The following STARD8 variants were observed in gnomAD, a reference collection of about 807,000 sequenced individuals.
STARD8 encodes the protein stAR-related lipid transfer protein 8.
STARD8 carries 25 observed loss-of-function variants against 69.4 expected under a neutral mutation model. The observed-to-expected ratio is 0.36, with a 90% confidence interval of 0.26 to 0.50. The LOEUF (loss-of-function observed/expected upper bound fraction) is 0.50, where lower values mean the gene tolerates loss of function less well. STARD8 is among the 20% of genes least tolerant of loss of function. The pLI, the probability that STARD8 is intolerant of heterozygous loss-of-function variation, is 0.96. For synonymous variants in STARD8, 389 were observed against 374.6 expected (o/e 1.04, Z -0.45); for missense variants, 921 against 932.5 (o/e 0.99, Z 0.16).
chrX:68,693,809 G>T (rs2079896795), intron 2 of STARD8: 1 of 753,998 alleles, frequency 1.3e-6, no homozygotes, highest in African/African-American at 2.3e-5. Context: ...AACCCAAAGG[G>T]GTGGACGCGG....
Position 68,721,179 on chromosome X carries a change from C to T in STARD8, c.2248+57C>T, listed in dbSNP as rs113167112. On this transcript the variant is annotated intron_variant, in intron 9 of 14. Coordinates refer to ENST00000374599, the MANE Select transcript of STARD8 (RefSeq NM_001142503.3). Reference sequence around the variant, plus strand: ...GTCCCATTCTCAACCTCCCTGAATCCCAGAACTTGTGGAAGATAAACCTGG... The same window carrying T: ...GTCCCATTCTCAACCTCCCTGAATCTCAGAACTTGTGGAAGATAAACCTGG... 3.5e-3 allele frequency: 4,013 copies of T among 1,158,506 alleles called. 99 individuals are homozygous for T. In the African/African-American group the frequency reaches 0.061, roughly 18 times the overall value.
intron 2 of STARD8, among the ~76,000 whole-genome samples, chrX:68,668,115 G>A (rs4593728): frequency 3.8e-3 from 92 of 24,234 alleles, no homozygotes; most frequent in Non-Finnish European, 6.6e-3. Context: ...CTTTCTTTCT[G>A]TCTTTCTTTC....
chrX:68,661,825 C>G (rs2079645832), intron 1 of STARD8, among the ~76,000 whole-genome samples: 2 of 110,040 alleles, frequency 1.8e-5, no homozygotes, highest in South Asian at 8.0e-4. Flanking sequence ...ACTGCCCAAC[C>G]CAGAACCTTA....
At chrX:68,715,212 C>T (rs995328045) in intron 3 of STARD8, 82 bp from the exon 4 acceptor site, 10 of 847,294 alleles carry the variant, frequency 1.2e-5, no homozygotes, top group Admixed American at 3.2e-5. Flanking sequence ...CCTTCCTGGC[C>T]GTTCCCTTCC....
intron 2 of STARD8, among the ~76,000 whole-genome samples, chrX:68,691,380 C>T (rs1436954503): frequency 1.8e-5 from 2 of 111,706 alleles, no homozygotes; most frequent in Admixed American, 9.5e-5. Context: ...GATACTCTTT[C>T]TCATCCATTC....
rs760814537 is a variant in STARD8 at position 68,699,484 on chromosome X, C to T, written c.80-13430C>T. ...CCCTGAGGCTTCTAACCCTGGGTTC[C>T]GAGTGTGCCCTCTGGGACCACCTGG... On this transcript the variant is annotated intron_variant, in intron 2 of 14. Coordinates refer to ENST00000374599, the MANE Select transcript of STARD8 (RefSeq NM_001142503.3). 2.3e-3 allele frequency among the ~76,000 whole-genome samples: 253 copies of T among 112,285 alleles called. 1 individual carries two copies. The highest frequency in any genetic ancestry group is 3.7e-3 in the Non-Finnish European group (197 of 53,211).
At chrX:68,648,005 G>A (rs751834570) in intron 1 of STARD8, 78 bp downstream of exon 1, 17 of 1,116,532 alleles carry the variant, frequency 1.5e-5, no homozygotes, top group African/African-American at 1.8e-5. Flanking sequence ...CGCACCAGCT[G>A]GGAAAACGGA....
intron 2 of STARD8, among the ~76,000 whole-genome samples, chrX:68,688,678 T>C (rs62604445): frequency 0.028 from 3,098 of 111,821 alleles, 44 homozygotes; most frequent in Middle Eastern, 0.061. Flanking sequence ...CAAGGTGAGC[T>C]GGGAGCAACG....
At chrX:68,688,315 G>A (rs2079848644) in intron 2 of STARD8, among the ~76,000 whole-genome samples, 1 of 111,259 alleles carries the variant, frequency 9.0e-6, no homozygotes, top group Non-Finnish European at 1.9e-5. Flanking sequence ...TGGTTGGCCA[G>A]GGACAGGCTC....
At position 68,721,537 on chromosome X, in the gene STARD8, C is replaced by T; in HGVS notation, c.2250C>T (p.Leu750=). ...LTTTFLQIYQ[L]LPKDQWLAAA... The stretch of plus-strand genomic sequence containing the variant: ...TCTTCTTCCATTGCTTCCTCACAGT[C>T]CTCCCCAAGGATCAGTGGTTGGCAG... Residue 750 remains leucine (L), a splice_region_variant and synonymous_variant, in exon 10 of 15, where the codon CTC becomes CTT. Transcript: ENST00000374599. The T allele has an allele frequency of 1.7e-6, 2 of 1,210,939 alleles. No homozygotes were observed. Among genetic ancestry groups the T allele is most frequent in the South Asian group, 1.8e-5 (1 of 56,787 alleles).
intron 2 of STARD8, among the ~76,000 whole-genome samples, chrX:68,674,941 C>G (rs1464977315): frequency 2.1e-4 from 22 of 105,709 alleles, no homozygotes; most frequent in African/African-American, 5.6e-4. Context: ...CACCACCATG[C>G]CCGGCTAATT....
intron 2 of STARD8, among the ~76,000 whole-genome samples, chrX:68,674,063 G>A (rs1320346019): frequency 3.6e-5 from 4 of 111,355 alleles, no homozygotes; most frequent in Non-Finnish European, 7.5e-5. Context: ...GGAGGCCAAG[G>A]CGGGTGGATC....
Position 68,717,431 on chromosome X carries a change from C to T in STARD8, c.517C>T (p.Pro173Ser). 2 of 1,210,319 alleles carry T rather than the reference C, an allele frequency of 1.7e-6. No homozygotes were observed. The highest frequency in any genetic ancestry group is 2.2e-6 in the Non-Finnish European group (2 of 894,991). The change falls in exon 6 of 15, where the codon CCC (proline) becomes TCC (serine). Residue 173 changes from proline to serine, a missense_variant. Pro to Ser is a moderately conservative substitution (Grantham distance 74, BLOSUM62 -1). Transcript: ENST00000374599. ...CCTACCACCCGAGCCAGCAGACTTG[C>T]CCTTGCCAGGCCGTGCCCCCAGCTC... ...VSLPPEPADL[P>S]LPGRAPSSSD... is the part of the protein sequence containing the mutation.
intron 12 of STARD8, 87 bp from the exon 13 acceptor site, chrX:68,723,539 C>T: frequency 2.4e-6 from 2 of 842,668 alleles, no homozygotes; most frequent in South Asian, 2.6e-5. Flanking sequence ...AGCCTCAGGC[C>T]CTGCAGTTTG....
At chrX:68,707,948 T>C (rs2080021333) in intron 2 of STARD8, among the ~76,000 whole-genome samples, 1 of 111,834 alleles carries the variant, frequency 8.9e-6, no homozygotes, top group South Asian at 3.7e-4. Flanking sequence ...TCCTGTAGTC[T>C]AGATTAGATG....
intron 2 of STARD8, 128 bp from the exon 3 acceptor site, chrX:68,712,786 C>CCAT (rs1279201214): frequency 6.5e-6 from 4 of 610,947 alleles, no homozygotes; most frequent in Non-Finnish European, 7.7e-6. Flanking sequence ...CCTTCTCTTG[C>CCAT]CATTGCTAGA....
chrX:68,661,337 C>CTGTT (rs1161440252), intron 1 of STARD8, among the ~76,000 whole-genome samples: 2 of 112,088 alleles, frequency 1.8e-5, no homozygotes, highest in Non-Finnish European at 3.8e-5. Context: ...AACCATCGTT[C>CTGTT]TGTTTTTATC....
chrX:68,716,875 T>TAG (rs1456715287), intron 5 of STARD8, among the ~76,000 whole-genome samples: 1 of 112,634 alleles, frequency 8.9e-6, no homozygotes, highest in Non-Finnish European at 1.9e-5. Flanking sequence ...GACTACAGCC[T>TAG]AGAGCTTGGG....
Position 68,706,757 on chromosome X carries a change from T to A in STARD8, c.80-6157T>A, listed in dbSNP as rs1394366792. Among the ~76,000 whole-genome samples the A allele has an allele frequency of 2.7e-5, 3 of 113,009 alleles. No individual in the cohort carries two copies. The Admixed American group carries it at 2.8e-4, about 10-fold the overall frequency. On this transcript the variant is annotated intron_variant, in intron 2 of 14. Transcript: ENST00000374599. Reference sequence around the variant, plus strand: ...GGGTAAAAGAAGCTGCTCAGAGCAGTTGGGGCCACATGCTGAGGATGGTAG... The same window carrying A: ...GGGTAAAAGAAGCTGCTCAGAGCAGATGGGGCCACATGCTGAGGATGGTAG...
Sources: gnomAD v4.1 joint callset for allele counts (sites outside exome capture counted in the v4.1 genomes callset) on GRCh38, gnomAD v4.1.1 for gene constraint, MANE v1.5 for transcripts, NCBI Gene and HGNC (gene_info 2026-07-23, HGNC 2026-07-21) for gene names.